Variants in ABI2 observed in about 807,000 individuals in gnomAD.
ABI2 encodes the protein abelson interactor 2.
ABI2 carries 25 observed loss-of-function variants against 59.2 expected under a neutral mutation model. The ratio of observed to expected loss-of-function variants is 0.42; its 90% CI spans 0.31 to 0.59. ABI2 has a LOEUF of 0.59. Ranked by LOEUF, ABI2 falls within the 20% of genes least tolerant of loss-of-function variation. The pLI is 0.14. For missense variants in ABI2, 545 were observed against 681.8 expected (o/e 0.80, Z 2.23); for synonymous variants, 213 against 235.5 (o/e 0.90, Z 0.87).
At chr2:203,328,950 G>C (rs1482771397) in intron 1 of ABI2, 1 of 229,124 alleles carries the variant, frequency 4.4e-6, no homozygotes, top group African/African-American at 2.3e-5. Context: ...AGGGGGCGGA[G>C]AGTGGCATTT....
chr2:203,341,210 C>T (rs889546272), intron 1 of ABI2, among the ~76,000 whole-genome samples: 6 of 152,124 alleles, frequency 3.9e-5, no homozygotes, highest in African/African-American at 9.7e-5. Flanking sequence ...GCTTTTTTTA[C>T]GCCTACATAT....
intron 4 of ABI2, among the ~76,000 whole-genome samples, chr2:203,390,825 C>G: frequency 6.6e-6 from 1 of 152,104 alleles, no homozygotes; most frequent in East Asian, 1.9e-4. Flanking sequence ...TCTTTGCATA[C>G]AAGTTTATAA....
In ABI2 at chr2:203,366,792, C is replaced by T. The variant is rs569465289; in HGVS notation, c.118-85C>T. On this transcript the variant is annotated intron_variant, in intron 1 of 11. Coordinates refer to ENST00000261018, the MANE Select transcript of ABI2 (RefSeq NM_001375670.1). Reference sequence around the variant, plus strand: ...TACTTTCTGGTGGACTCAGCAGAATCGTTGTGATGAGTTTTTTGGTAGGTT... The same window carrying T: ...TACTTTCTGGTGGACTCAGCAGAATTGTTGTGATGAGTTTTTTGGTAGGTT... The T allele has an allele frequency of 2.9e-5, 38 of 1,320,328 alleles. 1 individual carries two copies. In the East Asian group the frequency reaches 7.4e-4, roughly 26 times the overall value. 81.8% of individuals were successfully genotyped at this position (1,320,328 alleles called of 1,614,324 possible).
chr2:203,338,715 C>T (rs889329065), intron 1 of ABI2, among the ~76,000 whole-genome samples: 2 of 151,322 alleles, frequency 1.3e-5, no homozygotes, highest in Non-Finnish European at 2.9e-5. Context: ...GGAAAAAGCT[C>T]CTTGATTCTG....
At chr2:203,381,059 C>G (rs1016546080) in intron 3 of ABI2, among the ~76,000 whole-genome samples, 1 of 151,982 alleles carries the variant, frequency 6.6e-6, no homozygotes, top group African/African-American at 2.4e-5. Flanking sequence ...TCAGATGTGA[C>G]TAAATAAATA....
Position 203,348,046 on chromosome 2 carries a change from T to C in ABI2, c.118-18831T>C, listed in dbSNP as rs569643143. On this transcript the variant is annotated intron_variant, in intron 1 of 11. Coordinates refer to ENST00000261018, the MANE Select transcript of ABI2 (RefSeq NM_001375670.1). ...ACTTGAGGTCAGGAGTTCGAGACCA[T>C]CTTGGCCAACGTGGTGAACCCTCGT... Among the ~76,000 whole-genome samples the C allele has an allele frequency of 5.9e-5, 9 of 151,762 alleles. No homozygotes were observed. The South Asian group carries it at 1.9e-3, about 31-fold the overall frequency.
intron 9 of ABI2, among the ~76,000 whole-genome samples, chr2:203,411,041 T>G (rs2097652418): frequency 1.3e-5 from 2 of 151,710 alleles, no homozygotes; most frequent in African/African-American, 4.8e-5. Flanking sequence ...GTTATATATA[T>G]ATTTAACATA....
At chr2:203,411,810 C>T (rs1372754829) in intron 10 of ABI2, among the ~76,000 whole-genome samples, 1 of 152,160 alleles carries the variant, frequency 6.6e-6, no homozygotes, top group East Asian at 1.9e-4. Context: ...CAGTCTGTCT[C>T]CCAAGAAGCC....
intron 1 of ABI2, among the ~76,000 whole-genome samples, chr2:203,356,738 CA>C (rs1200995365): frequency 6.6e-6 from 1 of 152,142 alleles, no homozygotes; most frequent in Non-Finnish European, 1.5e-5. Flanking sequence ...TGGGCTCAAG[CA>C]ATCTTCCTGC....
intron 2 of ABI2, among the ~76,000 whole-genome samples, chr2:203,369,061 C>T (rs371197557): frequency 8.4e-6 from 1 of 119,734 alleles, no homozygotes; most frequent in African/African-American, 3.3e-5. Flanking sequence ...GTCCTGAAAT[C>T]CTGGGCTCAA....
intron 2 of ABI2, among the ~76,000 whole-genome samples, chr2:203,372,212 A>C (rs559513969): frequency 6.6e-6 from 1 of 152,286 alleles, no homozygotes; most frequent in East Asian, 1.9e-4. Context: ...CTGAGTGGAC[A>C]CAGCACATGT....
chr2:203,328,695 G>C, intron 1 of ABI2, 64 bp downstream of exon 1: 1 of 1,188,412 alleles, frequency 8.4e-7, no homozygotes, highest in East Asian at 3.1e-5. Context: ...GCGCCTCGGG[G>C]CGTGGGGCCG....
At position 203,394,790 on chromosome 2, in the gene ABI2, C is replaced by G. The variant is rs760447848; in HGVS notation, c.669C>G (p.Pro223=). 6.2e-7 allele frequency: 1 copy of G among 1,614,146 alleles called. No individual in the cohort carries two copies. Among genetic ancestry groups the G allele is most frequent in the South Asian group, 1.1e-5 (1 of 91,078 alleles). The change falls in exon 6 of 12, where the codon CCC becomes CCG. Residue 223 remains proline (P), a synonymous_variant. Coordinates refer to ENST00000261018, the MANE Select transcript of ABI2 (RefSeq NM_001375670.1). ...YVPSPTRNMA[P]SQQSPVRTAS... ...CTAGCCCAACCCGTAATATGGCTCCCTCGCAGCAGAGCCCTGTGAGGACAG... is the reference window on the plus strand; with the variant it reads ...CTAGCCCAACCCGTAATATGGCTCCGTCGCAGCAGAGCCCTGTGAGGACAG...
chr2:203,348,495 T>A (rs2085211683), intron 1 of ABI2, among the ~76,000 whole-genome samples: 1 of 152,144 alleles, frequency 6.6e-6, no homozygotes, highest in South Asian at 2.1e-4. Flanking sequence ...TATGGTCAGT[T>A]ATATGTTATA....
chr2:203,351,630 T>G (rs1421242991), intron 1 of ABI2: 1 of 428,114 alleles, frequency 2.3e-6, no homozygotes, highest in Non-Finnish European at 4.6e-6. Flanking sequence ...TGAACTCCTG[T>G]GCTCAAGTGA....
chr2:203,333,285 A>G (rs2074827411), intron 1 of ABI2, among the ~76,000 whole-genome samples: 1 of 152,202 alleles, frequency 6.6e-6, no homozygotes, highest in African/African-American at 2.4e-5. Context: ...CATACTTTTA[A>G]ATATTTTTTG....
intron 2 of ABI2, among the ~76,000 whole-genome samples, chr2:203,371,552 G>A (rs1235987431): frequency 6.6e-6 from 1 of 151,954 alleles, no homozygotes; most frequent in Non-Finnish European, 1.5e-5. Flanking sequence ...TTTTAGGGCT[G>A]GTAAATTTTA....
intron 1 of ABI2, among the ~76,000 whole-genome samples, chr2:203,348,761 C>T (rs957561393): frequency 2.0e-5 from 3 of 151,766 alleles, no homozygotes; most frequent in Non-Finnish European, 2.9e-5. Flanking sequence ...TATGTACAGC[C>T]GCCTCCATTA....
At chr2:203,402,043 T>C (rs2097245768) in intron 8 of ABI2, among the ~76,000 whole-genome samples, 1 of 152,124 alleles carries the variant, frequency 6.6e-6, no homozygotes, top group Non-Finnish European at 1.5e-5. Context: ...GCAAACTATT[T>C]ATTTATTTTG....
Sources: allele counts gnomAD v4.1 joint callset (sites outside exome capture counted in the v4.1 genomes callset), GRCh38; gene constraint gnomAD v4.1.1; transcripts MANE v1.5; gene names NCBI Gene and HGNC (gene_info 2026-07-23, HGNC 2026-07-21).